ZNF280D: variants seen among roughly 807,000 people sequenced by gnomAD.
The protein encoded by ZNF280D is suppressor of hairy wing homolog 4.
Under a neutral mutation model 94.7 loss-of-function variants are expected in ZNF280D, and 39 were observed. That is an observed-to-expected ratio of 0.41 (90% confidence interval 0.32 to 0.54). ZNF280D has a LOEUF of 0.54. Among genes scored for constraint, ZNF280D ranks in the 20% least tolerant of loss-of-function variants. The pLI, the probability that ZNF280D is intolerant of heterozygous loss-of-function variation, is 0.22. For missense variants in ZNF280D, 1,090 were observed against 1,149.3 expected, an observed-to-expected ratio of 0.95 and a Z score of 0.75; for synonymous variants, 398 against 377.6, an observed-to-expected ratio of 1.05 and a Z score of -0.63.
intron 1 of ZNF280D, among the ~76,000 whole-genome samples, chr15:56,708,646 G>C (rs940967027): frequency 9.9e-5 from 15 of 152,098 alleles, no homozygotes; most frequent in Admixed American, 8.5e-4. Context: ...CATGGTACTG[G>C]TACCAAAACA....
intron 17 of ZNF280D, among the ~76,000 whole-genome samples, chr15:56,656,525 G>A (rs1372107256): frequency 5.9e-5 from 9 of 152,008 alleles, no homozygotes; most frequent in African/African-American, 1.7e-4. Context: ...TTTTAGTAAA[G>A]GTAACATCTA....
chr15:56,666,367 G>A, intron 16 of ZNF280D, 28 bp downstream of exon 16: 1 of 1,593,474 alleles, frequency 6.3e-7, no homozygotes, highest in Non-Finnish European at 8.5e-7. Context: ...AATTTTAATT[G>A]GCAATTTACA....
intron 1 of ZNF280D, among the ~76,000 whole-genome samples, chr15:56,710,749 G>A (rs898923692): frequency 2.0e-5 from 3 of 151,890 alleles, no homozygotes; most frequent in East Asian, 1.9e-4. Flanking sequence ...GATATCACCC[G>A]ATGTACTGCT....
chr15:56,632,496 ATTTT>A (rs35589148), intron 21 of ZNF280D, among the ~76,000 whole-genome samples: 16 of 129,178 alleles, frequency 1.2e-4, no homozygotes, highest in East Asian at 2.2e-4. Context: ...TTTTTTTATG[ATTTT>A]TTTTTTTTTT....
intron 3 of ZNF280D, among the ~76,000 whole-genome samples, chr15:56,705,512 T>C (rs2057351868): frequency 6.6e-6 from 1 of 152,194 alleles, no homozygotes; most frequent in Non-Finnish European, 1.5e-5. Context: ...TACTTGAACC[T>C]ATTTTCCTCA....
chr15:56,636,415 C>T lies in ZNF280D; in HGVS notation c.2260-1165G>A, dbSNP rs369388813. 4.6e-4 allele frequency among the ~76,000 whole-genome samples: 70 copies of T among 151,862 alleles called. No homozygotes were observed. The South Asian group carries it at 8.1e-3, about 18-fold the overall frequency. Reference sequence around the variant, plus strand: ...CTGGGAAATCTAAATGCTCCTTCCCCGCAACTTACACAACAGGCACCTATC... The same window carrying T: ...CTGGGAAATCTAAATGCTCCTTCCCTGCAACTTACACAACAGGCACCTATC... On this transcript the variant is annotated intron_variant, in intron 20 of 21. Transcript: ENST00000267807.
At chr15:56,654,594 T>G in intron 17 of ZNF280D, 91 bp from the exon 18 acceptor site, 1 of 1,199,678 alleles carries the variant, frequency 8.3e-7, no homozygotes, top group Non-Finnish European at 1.2e-6. Flanking sequence ...TTGCTTTTTG[T>G]GCCATACATA....
At chr15:56,663,785 G>T in intron 16 of ZNF280D, among the ~76,000 whole-genome samples, 1 of 152,050 alleles carries the variant, frequency 6.6e-6, no homozygotes, top group East Asian at 1.9e-4. Flanking sequence ...ACACCTATAT[G>T]GCTACTCAGG....
intron 20 of ZNF280D, 97 bp downstream of exon 20, chr15:56,642,855 G>A: frequency 1.5e-6 from 1 of 661,426 alleles, no homozygotes. Context: ...AAATATTGTT[G>A]ATGTATGCAT....
chr15:56,688,434 TC>T (rs1470606668), intron 9 of ZNF280D, among the ~76,000 whole-genome samples: 2 of 128,168 alleles, frequency 1.6e-5, no homozygotes, highest in Non-Finnish European at 3.1e-5. Context: ...GAGCTTGCAG[TC>T]CCCAGAGATC....
In ZNF280D at chr15:56,631,403, C is replaced by T; in HGVS notation, c.*95G>A. 2.2e-6 allele frequency: 3 copies of T among 1,355,492 alleles called. No homozygotes were observed. The highest frequency in any genetic ancestry group is 3.0e-6 in the Non-Finnish European group (3 of 983,922). 84.0% of individuals were successfully genotyped at this position (1,355,492 alleles called of 1,614,324 possible). ...ATGTGTGACCTCCCTTACATATTTC[C>T]ATTTCTGAACCTACAACAGCACCAC... On this transcript the variant is annotated 3_prime_UTR_variant, in exon 22 of 22. Transcript: ENST00000267807.
chr15:56,723,885 C>A (rs1432863980), intron 1 of ZNF280D, among the ~76,000 whole-genome samples: 1 of 152,164 alleles, frequency 6.6e-6, no homozygotes, highest in African/African-American at 2.4e-5. Flanking sequence ...ATACACCTAA[C>A]CTACCGAACA....
At chr15:56,695,643 C>A (rs1230236298) in intron 6 of ZNF280D, among the ~76,000 whole-genome samples, 2 of 150,542 alleles carry the variant, frequency 1.3e-5, no homozygotes, top group Admixed American at 1.3e-4. Context: ...AATTCTCCTG[C>A]CTCAGCCTCC....
chr15:56,641,944 C>T (rs1436723404), intron 20 of ZNF280D, among the ~76,000 whole-genome samples: 4 of 151,624 alleles, frequency 2.6e-5, no homozygotes, highest in Admixed American at 6.6e-5. Context: ...GTATTTACAA[C>T]ATGTTTAAAA....
chr15:56,663,579 T>C (rs916565379), intron 16 of ZNF280D, among the ~76,000 whole-genome samples: 1 of 152,134 alleles, frequency 6.6e-6, no homozygotes, highest in East Asian at 1.9e-4. Context: ...AGGGTACCAC[T>C]GAGGTTGAGA....
intron 9 of ZNF280D, 111 bp from the exon 10 acceptor site, chr15:56,682,588 C>T (rs2055704554): frequency 1.6e-6 from 1 of 642,962 alleles, no homozygotes; most frequent in African/African-American, 1.9e-5. Flanking sequence ...TAAAACTATG[C>T]TTGTAATATA....
At chr15:56,645,077 T>G (rs1430290003) in intron 19 of ZNF280D, 1 of 152,154 alleles carries the variant, frequency 6.6e-6, no homozygotes, top group African/African-American at 2.4e-5. Flanking sequence ...AAAGTATACT[T>G]TAAGATTAAT....
intron 9 of ZNF280D, among the ~76,000 whole-genome samples, chr15:56,685,937 C>G (rs2055976998): frequency 6.6e-6 from 1 of 152,010 alleles, no homozygotes; most frequent in Non-Finnish European, 1.5e-5. Context: ...ATCAACTTTG[C>G]TAAAAGCAAA....
intron 1 of ZNF280D, among the ~76,000 whole-genome samples, chr15:56,720,242 G>GTT (rs1215532138): frequency 6.6e-6 from 1 of 152,106 alleles, no homozygotes; most frequent in Non-Finnish European, 1.5e-5. Flanking sequence ...TTTCAACAAT[G>GTT]TTTACAGCAT....
Sources: gnomAD v4.1 joint callset for allele counts (sites outside exome capture counted in the v4.1 genomes callset) on GRCh38, gnomAD v4.1.1 for gene constraint, MANE v1.5 for transcripts, NCBI Gene and HGNC (gene_info 2026-07-23, HGNC 2026-07-21) for gene names.